Variants in CNNM2 observed in about 807,000 individuals in gnomAD.
CNNM2 encodes cyclin and CBS domain divalent metal cation transport mediator 2.
CNNM2 carries 12 observed loss-of-function variants against 66.9 expected under a neutral mutation model. That is an observed-to-expected ratio of 0.18 (90% CI 0.11 to 0.29). CNNM2 has a LOEUF of 0.29. CNNM2 is among the 10% of genes least tolerant of loss of function. The pLI, the probability that CNNM2 is intolerant of heterozygous loss-of-function variation, is 1.00. For missense variants in CNNM2, 705 were observed against 1,167.7 expected, an observed-to-expected ratio of 0.60 and a Z score of 5.77; for synonymous variants, 557 against 501.8, an observed-to-expected ratio of 1.11 and a Z score of -1.47.
intron 1 of CNNM2, among the ~76,000 whole-genome samples, chr10:103,017,912 C>T (rs1215152206): frequency 7.0e-6 from 1 of 143,664 alleles, no homozygotes; most frequent in African/African-American, 2.6e-5. Flanking sequence ...TGCAGTGAAC[C>T]AAGTTAGCAC....
intron 1 of CNNM2, among the ~76,000 whole-genome samples, chr10:103,015,074 C>T (rs892355965): frequency 1.3e-5 from 2 of 152,136 alleles, no homozygotes; most frequent in South Asian, 2.1e-4. Context: ...AGAACATATA[C>T]TCATGAGTGT....
rs533416627 is a variant in CNNM2, at chr10:103,082,639, T to C, written c.*5459T>C. On this transcript the variant is annotated 3_prime_UTR_variant, in exon 8 of 8. Transcript: ENST00000369878. ...ATCCATGGATCCTAGGGTTCTGCTG[T>C]CCTTTAAGGCGGGTGAGAGGGTAGT... 2 of 152,260 alleles carry C rather than the reference T, an allele frequency of 1.3e-5. No individual in the cohort carries two copies. Among genetic ancestry groups the C allele is most frequent in the African/African-American group, 2.4e-5 (1 of 41,456 alleles). 9.4% of individuals were successfully genotyped at this position (152,260 alleles called of 1,614,324 possible). A position where few individuals can be genotyped will look rare whatever the true frequency, so the allele number is the denominator to read the frequency against.
intron 1 of CNNM2, among the ~76,000 whole-genome samples, chr10:102,956,855 GAAATACCTAATGT>G (rs1008497677): frequency 6.6e-5 from 10 of 152,144 alleles, no homozygotes. Context: ...AGCATTGGGA[GAAATACCTAATGT>G]AAATACCTAA....
chr10:103,034,507 T>C (rs1027346991), intron 1 of CNNM2, among the ~76,000 whole-genome samples: 7 of 152,192 alleles, frequency 4.6e-5, no homozygotes, highest in African/African-American at 1.7e-4. Context: ...TCAGTGACTG[T>C]GACAACAGGA....
chr10:103,004,525 T>C, intron 1 of CNNM2, among the ~76,000 whole-genome samples: 1 of 152,224 alleles, frequency 6.6e-6, no homozygotes, highest in East Asian at 1.9e-4. Flanking sequence ...CCTGGGAATC[T>C]TGTTAAAAGG....
intron 1 of CNNM2, among the ~76,000 whole-genome samples, chr10:103,001,039 G>A (rs1201240725): frequency 3.9e-5 from 6 of 152,194 alleles, no homozygotes; most frequent in African/African-American, 7.2e-5. Context: ...GCTACAACAT[G>A]GATGGACCTT....
rs2065827293 is a variant in CNNM2, at chr10:103,087,140, A to AGTTTTTT, written c.*9960_*9961insGTTTTTT. 1 of 75,374 alleles carries AGTTTTTT rather than the reference A, an allele frequency of 1.3e-5. No homozygotes were observed. Among genetic ancestry groups the AGTTTTTT allele is most frequent in the Non-Finnish European group, 2.3e-5 (1 of 42,740 alleles). 4.7% of individuals were successfully genotyped at this position (75,374 alleles called of 1,614,324 possible). A position where few individuals can be genotyped will look rare whatever the true frequency, so the allele number is the denominator to read the frequency against. ...TTCTCACGGTATAAAACTCCGCAGG[A>AGTTTTTT]TTTTTTTTTTTTTTTTTTTTTTTTT... On this transcript the variant is annotated 3_prime_UTR_variant, in exon 8 of 8. Coordinates refer to ENST00000369878, the MANE Select transcript of CNNM2 (RefSeq NM_017649.5).
At chr10:103,040,453 T>G (rs1327445349) in intron 1 of CNNM2, among the ~76,000 whole-genome samples, 1 of 152,044 alleles carries the variant, frequency 6.6e-6, no homozygotes, top group African/African-American at 2.4e-5. Context: ...AGCCCTGCCC[T>G]AGGAACATTT....
intron 1 of CNNM2, among the ~76,000 whole-genome samples, chr10:102,973,663 A>G (rs1398426873): frequency 1.3e-5 from 2 of 152,048 alleles, no homozygotes; most frequent in African/African-American, 4.8e-5. Flanking sequence ...GGCCTTATGC[A>G]GTGACTTTTA....
chr10:102,983,433 G>T (rs1002935524), intron 1 of CNNM2, among the ~76,000 whole-genome samples: 2 of 150,110 alleles, frequency 1.3e-5, no homozygotes, highest in African/African-American at 4.9e-5. Context: ...AGGCCAAGTC[G>T]GGCAGATCAC....
At chr10:103,076,615 C>CT (rs1325238658) in intron 7 of CNNM2, among the ~76,000 whole-genome samples, 1 of 152,164 alleles carries the variant, frequency 6.6e-6, no homozygotes, top group Non-Finnish European at 1.5e-5. Flanking sequence ...GGTCAGGAGA[C>CT]TTGGAGGGTT....
At chr10:102,923,811 A>G (rs1845747727) in intron 1 of CNNM2, among the ~76,000 whole-genome samples, 1 of 152,194 alleles carries the variant, frequency 6.6e-6, no homozygotes, top group African/African-American at 2.4e-5. Context: ...TGCTGTACTA[A>G]TGTGCTTCTT....
intron 1 of CNNM2, among the ~76,000 whole-genome samples, chr10:102,952,263 T>A (rs569437846): frequency 1.1e-3 from 160 of 152,012 alleles, no homozygotes; most frequent in Non-Finnish European, 2.0e-3. Flanking sequence ...AATAATATTT[T>A]AAAAATGTTA....
At chr10:102,928,556 TG>T (rs1318914781) in intron 1 of CNNM2, among the ~76,000 whole-genome samples, 1 of 146,636 alleles carries the variant, frequency 6.8e-6, no homozygotes, top group African/African-American at 2.5e-5. Context: ...CACTCCAGCC[TG>T]GGCAACAAGA....
intron 1 of CNNM2, among the ~76,000 whole-genome samples, chr10:103,021,016 C>T (rs1001371431): frequency 3.1e-4 from 47 of 152,210 alleles, no homozygotes; most frequent in African/African-American, 1.1e-3. Flanking sequence ...TGAGAAGAGA[C>T]CTTTGCTTCT....
At chr10:103,008,452 G>T (rs2064269920) in intron 1 of CNNM2, among the ~76,000 whole-genome samples, 1 of 152,308 alleles carries the variant, frequency 6.6e-6, no homozygotes, top group South Asian at 2.1e-4. Flanking sequence ...CTTTGGATTA[G>T]AAATACTCTG....
Position 102,918,987 on chromosome 10 carries a change from C to T in CNNM2, c.507C>T (p.Thr169=), listed in dbSNP as rs977599725. The change falls in exon 1 of 8, where the codon ACC becomes ACT. Residue 169 remains threonine (T), a synonymous_variant. Coordinates refer to ENST00000369878, the MANE Select transcript of CNNM2 (RefSeq NM_017649.5). This position sits in a 1 kb window ranked among gnomAD's most constrained non-coding sequence, Gnocchi z 4.1. ...ILPHIILNRR[T]SGIIEIEIKP... is the part of the protein sequence containing the mutation. ...CCCACATCATTCTCAACCGCCGCAC[C>T]TCGGGCATCATCGAGATCGAGATCA... The T allele has an allele frequency of 5.6e-6, 9 of 1,612,896 alleles. No homozygotes were observed. The highest frequency in any genetic ancestry group is 7.6e-6 in the Non-Finnish European group (9 of 1,179,544).
intron 1 of CNNM2, among the ~76,000 whole-genome samples, chr10:103,035,509 A>G (rs1413090351): frequency 6.6e-6 from 1 of 152,182 alleles, no homozygotes; most frequent in Non-Finnish European, 1.5e-5. Flanking sequence ...GGAAAATCCG[A>G]GTCTTTAAAT....
intron 6 of CNNM2, 53 bp downstream of exon 6, chr10:103,071,892 C>T (rs796922489): frequency 3.7e-5 from 57 of 1,521,438 alleles, no homozygotes; most frequent in Non-Finnish European, 4.9e-5. Flanking sequence ...TCCTTGCCCC[C>T]CATCACGCCT....
Sources: gnomAD v4.1 joint callset for allele counts (sites outside exome capture counted in the v4.1 genomes callset) on GRCh38, gnomAD v4.1.1 for gene constraint, Gnocchi (gnomAD v3.1) non-coding constraint, MANE v1.5 for transcripts, NCBI Gene and HGNC (gene_info 2026-07-23, HGNC 2026-07-21) for gene names.